PCDHA12: variants seen among roughly 807,000 people sequenced by gnomAD.
PCDHA12 encodes protocadherin alpha 12.
In PCDHA12, 44 loss-of-function variants were observed where a neutral mutation model predicts 60.0. The observed-to-expected ratio is 0.73, with a 90% CI of 0.58 to 0.94. The LOEUF (loss-of-function observed/expected upper bound fraction) is 0.94, where lower values mean the gene tolerates loss of function less well. Ranked by LOEUF, PCDHA12 falls within the 40% of genes least tolerant of loss-of-function variation. PCDHA12 has a pLI of 0.00. For synonymous variants in PCDHA12, 569 were observed against 553.0 expected (o/e 1.03, Z -0.40); for missense variants, 1,276 against 1,239.7 (o/e 1.03, Z -0.44).
At chr5:140,911,249 C>T (rs782367621) in intron 1 of PCDHA12, among the ~76,000 whole-genome samples, 4 of 152,152 alleles carry the variant, frequency 2.6e-5, no homozygotes, top group African/African-American at 4.8e-5. Context: ...AAAGTTTCAT[C>T]AGAATTTATA....
At chr5:140,910,137 T>A (rs2074898699) in intron 1 of PCDHA12, among the ~76,000 whole-genome samples, 1 of 152,232 alleles carries the variant, frequency 6.6e-6, no homozygotes, top group Non-Finnish European at 1.5e-5. Flanking sequence ...CTGGTTTAAG[T>A]CTGGAAATTG....
At chr5:140,926,155 T>TGCAGCAGGATCCAGCGCGGAAAGCCCC (rs1563077309) in intron 1 of PCDHA12, among the ~76,000 whole-genome samples, 3 of 152,076 alleles carry the variant, frequency 2.0e-5, no homozygotes, top group African/African-American at 4.8e-5. Context: ...CGGAAAGCTC[T>TGCAGCAGGATCCAGCGCGGAAAGCCCC]GCAGCAGGAT....
chr5:140,942,589 T>G (rs1444015331), intron 1 of PCDHA12, among the ~76,000 whole-genome samples: 1 of 148,934 alleles, frequency 6.7e-6, no homozygotes, highest in Non-Finnish European at 1.5e-5. Flanking sequence ...GGATGTCACA[T>G]ATAATTATAG....
intron 1 of PCDHA12, chr5:140,883,919 C>T (rs1554180590): frequency 1.2e-6 from 2 of 1,613,316 alleles, no homozygotes; most frequent in Non-Finnish European, 8.5e-7. Flanking sequence ...CAACGTGACG[C>T]TGCAGGTGTT....
At chr5:140,893,666 C>T (rs2064116335) in intron 1 of PCDHA12, among the ~76,000 whole-genome samples, 1 of 152,160 alleles carries the variant, frequency 6.6e-6, no homozygotes, top group African/African-American at 2.4e-5. Flanking sequence ...TAAAAAATTT[C>T]AGCACTTTGG....
chr5:140,968,632 C>T, intron 1 of PCDHA12: 1 of 1,614,176 alleles, frequency 6.2e-7, no homozygotes, highest in Non-Finnish European at 8.5e-7. Flanking sequence ...GGCTTTTTTA[C>T]CATCTAGCCC....
intron 3 of PCDHA12, among the ~76,000 whole-genome samples, chr5:140,986,380 G>T (rs1554247980): frequency 6.6e-6 from 1 of 152,130 alleles, no homozygotes; most frequent in African/African-American, 2.4e-5. Flanking sequence ...TGGGGGGAGG[G>T]ACATTAAAGG....
At chr5:140,983,771 A>G (rs963720761) in intron 3 of PCDHA12, among the ~76,000 whole-genome samples, 2 of 152,222 alleles carry the variant, frequency 1.3e-5, no homozygotes, top group Admixed American at 6.5e-5. Flanking sequence ...ATACATATCT[A>G]CATACATAAC....
chr5:141,009,702 C>T lies in PCDHA12; in HGVS notation c.2591C>T (p.Pro864Leu). 1 of 1,614,056 alleles carries T rather than the reference C, an allele frequency of 6.2e-7. No individual in the cohort carries two copies. The highest frequency in any genetic ancestry group is 8.5e-7 in the Non-Finnish European group (1 of 1,180,028). The change falls in exon 4 of 4, where the codon CCA becomes CTA. Residue 864 changes from proline to leucine, a missense_variant. Transcript: ENST00000398631. ...AACAGCTGGACCTTTAAATACGGAC[C>T]AGGCAACCCCAAACAATCCGGTCCC... is the stretch of plus-strand genomic sequence containing the variant. The part of the protein sequence containing the change: ...NSNSWTFKYG[P>L]GNPKQSGPGE...
At chr5:140,915,626 G>GTCTC (rs57920489) in intron 1 of PCDHA12, among the ~76,000 whole-genome samples, 42,931 of 146,342 alleles carry the variant, frequency 0.29, 6,396 homozygotes, top group East Asian at 0.48. Context: ...GTCTCTTTCT[G>GTCTC]TCTCTCTCTC....
chr5:140,876,376 A>G lies in PCDHA12; in HGVS notation c.904A>G (p.Ile302Val), dbSNP rs2056310624. 6.2e-7 allele frequency: 1 copy of G among 1,613,840 alleles called. No homozygotes were observed. The highest frequency in any genetic ancestry group is 1.3e-5 in the African/African-American group (1 of 74,930). ...TTCAATAAATCCAGACACAGGTGAA[A>G]TTAGAATTTATGGTGAACTGGATTT... ...MFSINPDTGE[I>V]RIYGELDFEE... Residue 302 changes from isoleucine to valine, a missense_variant, in exon 1 of 4, where the codon ATT (isoleucine) becomes GTT (valine). By Grantham distance (29) the Ile-to-Val change is conservative. Coordinates refer to ENST00000398631, the MANE Select transcript of PCDHA12 (RefSeq NM_018903.4).
At chr5:140,984,030 A>T (rs900763001) in intron 3 of PCDHA12, among the ~76,000 whole-genome samples, 17 of 152,330 alleles carry the variant, frequency 1.1e-4, no homozygotes, top group African/African-American at 3.6e-4. Context: ...AAGGGGAAAA[A>T]CATAAAATAG....
intron 1 of PCDHA12, among the ~76,000 whole-genome samples, chr5:140,899,821 C>G (rs1286169760): frequency 1.3e-5 from 2 of 151,902 alleles, no homozygotes; most frequent in African/African-American, 4.8e-5. Flanking sequence ...TTTGTTTTTC[C>G]TTTTTGAGAC....
rs1019397100 is a variant in PCDHA12, at chr5:140,953,409, G to A, written c.2368-25540G>A. On this transcript the variant is annotated intron_variant, in intron 1 of 3. Transcript: ENST00000398631. ...TGTGGATTACAGTGCTGTTGCTCCTGGCTCCTCCCCTTTGTCCTTAAGCTG... is the reference window on the plus strand; with the variant it reads ...TGTGGATTACAGTGCTGTTGCTCCTAGCTCCTCCCCTTTGTCCTTAAGCTG... Among the ~76,000 whole-genome samples, 14 of 152,194 alleles carry A rather than the reference G, an allele frequency of 9.2e-5. No individual in the cohort carries two copies. The South Asian group carries it at 2.9e-3, about 32-fold the overall frequency.
chr5:140,884,604 G>A lies in PCDHA12; in HGVS notation c.2367+6765G>A. The A allele has an allele frequency of 1.2e-6, 2 of 1,614,140 alleles. 1 individual carries two copies. Among genetic ancestry groups the A allele is most frequent in the Middle Eastern group, 3.3e-4 (2 of 6,062 alleles). On this transcript the variant is annotated intron_variant, in intron 1 of 3. Coordinates refer to ENST00000398631, the MANE Select transcript of PCDHA12 (RefSeq NM_018903.4). Reference sequence around the variant, plus strand: ...GCCTTCAGTCCCAGCCTTCCTCCTTGTCTGGGTTCTGCAGAGGGAACAGGC... The same window carrying A: ...GCCTTCAGTCCCAGCCTTCCTCCTTATCTGGGTTCTGCAGAGGGAACAGGC...
intron 1 of PCDHA12, chr5:140,929,069 G>A (rs1554206647): frequency 1.2e-6 from 2 of 1,614,192 alleles, no homozygotes; most frequent in Non-Finnish European, 8.5e-7. Context: ...GAGGATCTGA[G>A]GTATGGAAGT....
chr5:140,920,927 A>G (rs1350465462), intron 1 of PCDHA12, among the ~76,000 whole-genome samples: 1 of 151,716 alleles, frequency 6.6e-6, no homozygotes, highest in East Asian at 1.9e-4. Context: ...AGAGTAGGTG[A>G]TCTAGCCCTT....
At chr5:140,975,200 C>T (rs1469690831) in intron 1 of PCDHA12, among the ~76,000 whole-genome samples, 1 of 152,224 alleles carries the variant, frequency 6.6e-6, no homozygotes, top group Non-Finnish European at 1.5e-5. Context: ...GCTCCATCTT[C>T]ATGGCTGGCA....
At chr5:140,884,871 A>T (rs1193714340) in intron 1 of PCDHA12, among the ~76,000 whole-genome samples, 1 of 152,210 alleles carries the variant, frequency 6.6e-6, no homozygotes, top group Non-Finnish European at 1.5e-5. Context: ...CCATAATGAA[A>T]TGTGCAAAAC....
Sources: gnomAD v4.1 joint callset for allele counts (sites outside exome capture counted in the v4.1 genomes callset) on GRCh38, gnomAD v4.1.1 for gene constraint, MANE v1.5 for transcripts, NCBI Gene and HGNC (gene_info 2026-07-23, HGNC 2026-07-21) for gene names.